The following FBXW7 variants were observed in gnomAD, a reference collection of about 807,000 sequenced individuals.
FBXW7 encodes F-box and WD repeat domain containing 7.
In FBXW7, 11 loss-of-function variants were observed where a neutral mutation model predicts 86.3. The ratio of observed to expected loss-of-function variants is 0.13; its 90% confidence interval spans 0.08 to 0.21. The LOEUF is 0.21. Ranked by LOEUF, FBXW7 falls within the 10% of genes least tolerant of loss-of-function variation. The probability of loss-of-function intolerance (pLI) is 1.00; values close to 1 mark genes in which losing one functional copy is unlikely to be tolerated. For missense variants in FBXW7, 488 were observed against 847.4 expected (o/e 0.58, Z 5.27); for synonymous variants, 313 against 297.9 (o/e 1.05, Z -0.52).
intron 4 of FBXW7, among the ~76,000 whole-genome samples, chr4:152,389,158 AAAAG>A (rs1162516281): frequency 6.6e-6 from 1 of 152,268 alleles, no homozygotes; most frequent in African/African-American, 2.4e-5. Flanking sequence ...GATGTGGAGA[AAAAG>A]AAATGCTTAT....
At position 152,411,452 on chromosome 4, in the gene FBXW7, T is replaced by TCTCCTC; in HGVS notation, c.346_351dup (p.Glu116_Glu117dup). 1 of 1,613,268 alleles carries TCTCCTC rather than the reference T, an allele frequency of 6.2e-7. No individual in the cohort carries two copies. Among genetic ancestry groups the TCTCCTC allele is most frequent in the Non-Finnish European group, 8.5e-7 (1 of 1,179,680 alleles). On this transcript the variant is annotated inframe_insertion, in exon 4 of 14. Coordinates refer to ENST00000281708, the MANE Select transcript of FBXW7 (RefSeq NM_001349798.2). ...TCAAAATCGTCACTCTCCTGGTCCA[T>TCTCCTC]CTCCTCCTCCTCCTCATCCTCCTCA... is the stretch of plus-strand genomic sequence containing the variant.
In FBXW7 at chr4:152,322,338, AAAAAG is replaced by A; in HGVS notation, c.*538_*542del. The A allele has an allele frequency of 4.3e-6, 1 of 232,278 alleles. No individual in the cohort carries two copies. The highest frequency in any genetic ancestry group is 8.5e-6 in the Non-Finnish European group (1 of 117,176). The allele number at this position is 232,278 out of a possible 1,614,324, so 14.4% of individuals were successfully genotyped here. A position where few individuals can be genotyped will look rare whatever the true frequency, so the allele number is the denominator to read the frequency against. ...GCAATGGTTGGCAAAAAAAAAAAAA[AAAAAG>A]CTTTTCATGATAACTGTACAAAAAC... On this transcript the variant is annotated 3_prime_UTR_variant, in exon 14 of 14. Transcript: ENST00000281708.
intron 2 of FBXW7, among the ~76,000 whole-genome samples, chr4:152,421,673 T>C (rs1422988254): frequency 6.6e-6 from 1 of 152,210 alleles, no homozygotes; most frequent in Admixed American, 6.5e-5. Context: ...TTTCTAGCTT[T>C]TGATTTAAAA....
intron 2 of FBXW7, among the ~76,000 whole-genome samples, chr4:152,435,718 T>G (rs919668592): frequency 6.6e-6 from 1 of 152,248 alleles, no homozygotes; most frequent in Non-Finnish European, 1.5e-5. Flanking sequence ...TGCAGTTTAC[T>G]GCACTTCACA....
intron 2 of FBXW7, among the ~76,000 whole-genome samples, chr4:152,475,956 A>G (rs561724631): frequency 1.7e-4 from 26 of 152,296 alleles, no homozygotes; most frequent in Non-Finnish European, 3.7e-4. Flanking sequence ...TCAAAATCTC[A>G]AAGTATCTTT....
intron 2 of FBXW7, among the ~76,000 whole-genome samples, chr4:152,527,981 T>C (rs144976856): frequency 1.3e-5 from 2 of 151,612 alleles, no homozygotes; most frequent in East Asian, 1.9e-4. Context: ...GAACTGATAA[T>C]AAACATTGAC....
At chr4:152,325,972 G>A (rs773219815) in intron 12 of FBXW7, 34 bp downstream of exon 12, 7 of 1,553,004 alleles carry the variant, frequency 4.5e-6, no homozygotes, top group Admixed American at 1.7e-5. Flanking sequence ...TGATTCATCA[G>A]GAGAGCATTT....
intron 2 of FBXW7, among the ~76,000 whole-genome samples, chr4:152,414,822 G>T (rs1400907109): frequency 1.3e-5 from 2 of 152,054 alleles, no homozygotes; most frequent in African/African-American, 4.8e-5. Context: ...GGATGAAAAA[G>T]AGGTATAATA....
At chr4:152,354,170 T>A (rs1216349095) in intron 4 of FBXW7, among the ~76,000 whole-genome samples, 1 of 152,126 alleles carries the variant, frequency 6.6e-6, no homozygotes, top group Non-Finnish European at 1.5e-5. Flanking sequence ...CGTAAAATTT[T>A]ATGAAGATGT....
intron 2 of FBXW7, among the ~76,000 whole-genome samples, chr4:152,481,702 G>C (rs1744893876): frequency 6.6e-6 from 1 of 152,176 alleles, no homozygotes; most frequent in African/African-American, 2.4e-5. Flanking sequence ...ATGGATGTGA[G>C]GAGCTCAAGA....
intron 2 of FBXW7, among the ~76,000 whole-genome samples, chr4:152,509,358 G>A (rs573998377): frequency 6.6e-5 from 10 of 151,922 alleles, no homozygotes; most frequent in East Asian, 3.9e-4. Flanking sequence ...TTTTGCCACC[G>A]TTTTCCTGAG....
intron 2 of FBXW7, chr4:152,530,732 A>G (rs1395037264): frequency 1.3e-5 from 2 of 152,250 alleles, no homozygotes; most frequent in Non-Finnish European, 2.9e-5. Flanking sequence ...TAAAGCTCAT[A>G]CTGTTTGTTG....
At chr4:152,345,652 A>G (rs1186211633) in intron 6 of FBXW7, among the ~76,000 whole-genome samples, 1 of 152,168 alleles carries the variant, frequency 6.6e-6, no homozygotes, top group Non-Finnish European at 1.5e-5. Flanking sequence ...TAAATCTTTC[A>G]GTTACCAACC....
At chr4:152,373,081 T>A (rs1038062967) in intron 4 of FBXW7, among the ~76,000 whole-genome samples, 1 of 151,920 alleles carries the variant, frequency 6.6e-6, no homozygotes, top group African/African-American at 2.4e-5. Flanking sequence ...ACACTAAGGG[T>A]CTGTTCAACA....
chr4:152,465,258 T>C (rs1579277447), intron 2 of FBXW7, among the ~76,000 whole-genome samples: 1 of 152,106 alleles, frequency 6.6e-6, no homozygotes, highest in Non-Finnish European at 1.5e-5. Context: ...AGAAAATTAA[T>C]GTATACTCAA....
chr4:152,516,721 G>A (rs1397156190), intron 2 of FBXW7, among the ~76,000 whole-genome samples: 1 of 152,186 alleles, frequency 6.6e-6, no homozygotes, highest in East Asian at 1.9e-4. Flanking sequence ...ACACTGCACA[G>A]TTTTTAATTT....
intron 2 of FBXW7, among the ~76,000 whole-genome samples, chr4:152,432,591 G>C (rs1307932781): frequency 6.6e-6 from 1 of 152,110 alleles, no homozygotes; most frequent in South Asian, 2.1e-4. Context: ...TGGATCATTT[G>C]AGGTCAGGAG....
intron 2 of FBXW7, among the ~76,000 whole-genome samples, chr4:152,527,863 T>TACACAC (rs749531242): frequency 1.5e-4 from 16 of 103,972 alleles, no homozygotes; most frequent in East Asian, 4.9e-4. Flanking sequence ...TTAAAAATTA[T>TACACAC]ATACACACAC....
rs1447029458 is a variant in FBXW7 at position 152,321,646 on chromosome 4, T to C, written c.*1235A>G. 4 of 233,068 alleles carry C rather than the reference T, an allele frequency of 1.7e-5. No homozygotes were observed. The highest frequency in any genetic ancestry group is 3.4e-5 in the Non-Finnish European group (4 of 117,730). The allele number at this position is 233,068 out of a possible 1,614,324, so 14.4% of individuals were successfully genotyped here. A position where few individuals can be genotyped will look rare whatever the true frequency, so the allele number is the denominator to read the frequency against. ...ACTCAGAGCAATAAAACTGTAACAG[T>C]TGTTTTCCCAAATACTGTAAAACAC... On this transcript the variant is annotated 3_prime_UTR_variant, in exon 14 of 14. Transcript: ENST00000281708.
Sources: allele counts gnomAD v4.1 joint callset (sites outside exome capture counted in the v4.1 genomes callset), GRCh38; gene constraint gnomAD v4.1.1; transcripts MANE v1.5; gene names NCBI Gene and HGNC (gene_info 2026-07-23, HGNC 2026-07-21).